SYNPO2L: variants seen among roughly 807,000 people sequenced by gnomAD.
The protein encoded by SYNPO2L is synaptopodin 2 like.
In SYNPO2L, 34 loss-of-function variants were observed where a neutral mutation model predicts 47.5. The ratio of observed to expected loss-of-function variants is 0.72; its 90% CI spans 0.54 to 0.95. The LOEUF is 0.95. Among genes scored for constraint, SYNPO2L ranks in the 40% least tolerant of loss-of-function variants. The probability of loss-of-function intolerance (pLI) is 0.00; values close to 1 mark genes in which losing one functional copy is unlikely to be tolerated. For synonymous variants in SYNPO2L, 536 were observed against 524.9 expected (o/e 1.02, Z -0.29); for missense variants, 1,246 against 1,282.0 (o/e 0.97, Z 0.43).
rs2081858375 is a variant in SYNPO2L at position 73,653,669 on chromosome 10, G to A, written c.258-16C>T. 6.6e-7 allele frequency: 1 copy of A among 1,522,628 alleles called. No homozygotes were observed. Among genetic ancestry groups the A allele is most frequent in the South Asian group, 1.3e-5 (1 of 79,760 alleles). 94.3% of individuals were successfully genotyped at this position (1,522,628 alleles called of 1,614,324 possible). A position where few individuals can be genotyped will look rare whatever the true frequency, so the allele number is the denominator to read the frequency against. On this transcript the variant is annotated splice_polypyrimidine_tract_variant and intron_variant, in intron 2 of 3. Transcript: ENST00000394810. ...GTCTGCTAACCTGGATAGGAAAGAT[G>A]ACAGAGCTTGAGAGATGGGCTGGGT...
chr10:73,646,271 G>A lies in SYNPO2L; in HGVS notation c.*447C>T. On this transcript the variant is annotated 3_prime_UTR_variant, in exon 4 of 4. Transcript: ENST00000394810. ...GGAAAGCAGAGTGGGGGGTGGGGGT[G>A]GCTTAGTGCAAACAGGGGTCAGTTC... The A allele has an allele frequency of 1.0e-6, 1 of 993,318 alleles. No homozygotes were observed. The highest frequency in any genetic ancestry group is 1.2e-6 in the Non-Finnish European group (1 of 835,968). The allele number at this position is 993,318 out of a possible 1,614,324, so 61.5% of individuals were successfully genotyped here.
Position 73,645,360 on chromosome 10 carries a change from C to T in SYNPO2L, c.*1358G>A, listed in dbSNP as rs556890647. 1 of 1,042,032 alleles carries T rather than the reference C, an allele frequency of 9.6e-7. No homozygotes were observed. The highest frequency in any genetic ancestry group is 1.2e-6 in the Non-Finnish European group (1 of 865,950). The allele number at this position is 1,042,032 out of a possible 1,614,324, so 64.5% of individuals were successfully genotyped here. ...ACCTTCTCCCAATATGGCATTGTCC[C>T]TCGCCACACTTCTGTCTGTGGCTCA... On this transcript the variant is annotated 3_prime_UTR_variant, in exon 4 of 4. Coordinates refer to ENST00000394810, the MANE Select transcript of SYNPO2L (RefSeq NM_001114133.3).
intron 3 of SYNPO2L, among the ~76,000 whole-genome samples, chr10:73,652,466 C>T (rs540410039): frequency 6.6e-6 from 1 of 152,068 alleles, no homozygotes; most frequent in South Asian, 2.1e-4. Flanking sequence ...GTCAGGAGTT[C>T]GAGACCAGCC....
At position 73,655,818 on chromosome 10, in the gene SYNPO2L, C is replaced by G; in HGVS notation, c.105G>C (p.Lys35Asn). 6.5e-7 allele frequency: 1 copy of G among 1,548,044 alleles called. No homozygotes were observed. Residue 35 changes from lysine (K) to asparagine (N), a missense_variant and splice_region_variant, in exon 1 of 4, where the codon AAG becomes AAC. Transcript: ENST00000394810. ...CCTCATTTCAGGGGCTCTCCCTTAC[C>G]TTAGACACCTGTAACGGTTTCCTCT... ...AEQRKPLQVSKIRRRSQAGRA... is the reference protein window; with the variant it reads ...AEQRKPLQVSNIRRRSQAGRA...
chr10:73,648,127 AG>A lies in SYNPO2L; in HGVS notation c.1524del (p.Phe509SerfsTer36), dbSNP rs1158041599. 2.8e-6 allele frequency: 4 copies of A among 1,429,848 alleles called. No individual in the cohort carries two copies. The highest frequency in any genetic ancestry group is 2.2e-5 in the Admixed American group (1 of 45,850). 88.6% of individuals were successfully genotyped at this position (1,429,848 alleles called of 1,614,324 possible). On this transcript the variant is annotated frameshift_variant, in exon 4 of 4. Transcript: ENST00000394810. LOFTEE classifies it low-confidence loss of function (END_TRUNC). ...SLGGLSPAPP[P>X]FLSSQGPTPL... ...GGGGTGGGCCCCTGCGAAGACAAGA[AG>A]GGGGGTGGGGCGGGGCTGAGGCCCC...
chr10:73,650,359 G>A (rs1564993864), intron 3 of SYNPO2L: 1 of 669,856 alleles, frequency 1.5e-6, no homozygotes, highest in Non-Finnish European at 1.9e-6. Context: ...TGGTATGGAT[G>A]AGACAACAGG....
intron 1 of SYNPO2L, among the ~76,000 whole-genome samples, chr10:73,655,190 A>G (rs2081869404): frequency 6.6e-6 from 1 of 152,252 alleles, no homozygotes; most frequent in Non-Finnish European, 1.5e-5. Flanking sequence ...TGAAGTAGGT[A>G]CAGGTACTAT....
In SYNPO2L at chr10:73,655,765, GGA is replaced by G. The variant is rs896127323; in HGVS notation, c.105+51_105+52del. Reference sequence around the variant, plus strand: ...ATATGCCACCACACATCTCTTCCCAGGATCCCTTGGGTTCCCTTTCCCTGAAG... The same window carrying G: ...ATATGCCACCACACATCTCTTCCCAGTCCCTTGGGTTCCCTTTCCCTGAAG... On this transcript the variant is annotated intron_variant, in intron 1 of 3. Transcript: ENST00000394810. 6 of 881,878 alleles carry G rather than the reference GGA, an allele frequency of 6.8e-6. No homozygotes were observed. In the African/African-American group the frequency reaches 1.0e-4, roughly 15 times the overall value. The allele number at this position is 881,878 out of a possible 1,614,324, so 54.6% of individuals were successfully genotyped here. A position where few individuals can be genotyped will look rare whatever the true frequency, so the allele number is the denominator to read the frequency against.
At chr10:73,654,450 G>T in intron 1 of SYNPO2L, 170 bp from the exon 2 acceptor site, 1 of 711,726 alleles carries the variant, frequency 1.4e-6, no homozygotes. Flanking sequence ...AGGGAAGAAA[G>T]TATACAGACT....
intron 3 of SYNPO2L, chr10:73,650,868 T>C: frequency 6.4e-7 from 1 of 1,559,988 alleles, no homozygotes; most frequent in Non-Finnish European, 8.7e-7. Context: ...TTCCCCTCCA[T>C]TCTAGACCCC....
Position 73,648,395 on chromosome 10 carries a change from C to G in SYNPO2L, c.1257G>C (p.Leu419=). 1 of 1,607,288 alleles carries G rather than the reference C, an allele frequency of 6.2e-7. No individual in the cohort carries two copies. The highest frequency in any genetic ancestry group is 8.5e-7 in the Non-Finnish European group (1 of 1,179,766). ...EPAAMLNGEG[L]QSPPRAQSAP... is the part of the protein sequence containing the mutation. ...CACTCTGGGCCCGAGGTGGTGACTG[C>G]AGGCCTTCCCCGTTGAGCATGGCTG... is the stretch of plus-strand genomic sequence containing the variant. The change falls in exon 4 of 4, where the codon CTG becomes CTC. Residue 419 remains leucine (L), a synonymous_variant. Coordinates refer to ENST00000394810, the MANE Select transcript of SYNPO2L (RefSeq NM_001114133.3).
intron 1 of SYNPO2L, among the ~76,000 whole-genome samples, chr10:73,654,848 A>AG (rs1411319095): frequency 1.3e-5 from 2 of 151,952 alleles, no homozygotes; most frequent in African/African-American, 4.8e-5. Flanking sequence ...GCAAAAAAAA[A>AG]GAAAAGAAAA....
Position 73,647,525 on chromosome 10 carries a change from C to T in SYNPO2L, c.2127G>A (p.Met709Ile). The T allele has an allele frequency of 6.3e-7, 1 of 1,587,962 alleles. No homozygotes were observed. Among genetic ancestry groups the T allele is most frequent in the South Asian group, 1.1e-5 (1 of 88,374 alleles). Residue 709 changes from methionine (M) to isoleucine (I), a missense_variant, in exon 4 of 4, where the codon ATG (methionine) becomes ATA (isoleucine). Transcript: ENST00000394810. ...TCATAGGGGGCGGGGTCTTGGGAGC[C>T]ATTGGAGGGGGGGTCTTAGGTGTCA... Reference protein sequence around the residue: ...PHVTPKTPPPMAPKTPPPMTP... With the variant: ...PHVTPKTPPPIAPKTPPPMTP...
In SYNPO2L at chr10:73,648,496, G is replaced by A. The variant is rs763416831; in HGVS notation, c.1156C>T (p.Arg386Ter). The A allele has an allele frequency of 6.2e-7, 1 of 1,613,522 alleles. No individual in the cohort carries two copies. Among genetic ancestry groups the A allele is most frequent in the African/African-American group, 1.3e-5 (1 of 75,050 alleles). Residue 386 changes from arginine (R) to a stop codon, truncating the protein, a stop_gained, in exon 4 of 4, where the codon CGA becomes TGA. Coordinates refer to ENST00000394810, the MANE Select transcript of SYNPO2L (RefSeq NM_001114133.3). LOFTEE classifies it low-confidence loss of function (END_TRUNC). ...TGCTGTTCAAAGAGCTGCACCCCTCGCCCAGAGACCTCACTCAGCTGCCCT... is the reference window on the plus strand; with the variant it reads ...TGCTGTTCAAAGAGCTGCACCCCTCACCCAGAGACCTCACTCAGCTGCCCT... ...LGGQLSEVSG[R>*]GVQLFEQQRQ...
rs2132419048 is a variant in SYNPO2L, at chr10:73,648,500, A to G, written c.1152T>C (p.Ser384=). Reference sequence around the variant, plus strand: ...GTTCAAAGAGCTGCACCCCTCGCCCAGAGACCTCACTCAGCTGCCCTCCCA... The same window carrying G: ...GTTCAAAGAGCTGCACCCCTCGCCCGGAGACCTCACTCAGCTGCCCTCCCA... The part of the protein sequence containing the change: ...SGLGGQLSEV[S]GRGVQLFEQQ... Residue 384 remains serine, a synonymous_variant, in exon 4 of 4, where the codon TCT becomes TCC. Transcript: ENST00000394810. 1 of 1,613,816 alleles carries G rather than the reference A, an allele frequency of 6.2e-7. No individual in the cohort carries two copies. Among genetic ancestry groups the G allele is most frequent in the Non-Finnish European group, 8.5e-7 (1 of 1,179,922 alleles).
chr10:73,651,872 G>A (rs182288184), intron 3 of SYNPO2L, among the ~76,000 whole-genome samples: 2 of 151,866 alleles, frequency 1.3e-5, no homozygotes, highest in Admixed American at 1.3e-4. Flanking sequence ...TCAGGAGTTC[G>A]AGACCAGCCT....
At position 73,650,861 on chromosome 10, in the gene SYNPO2L, C is replaced by T. The variant is rs770768152; in HGVS notation, c.773-1982G>A. 3.9e-6 allele frequency: 6 copies of T among 1,531,472 alleles called. No homozygotes were observed. The East Asian group carries it at 9.5e-5, about 24-fold the overall frequency. 94.9% of individuals were successfully genotyped at this position (1,531,472 alleles called of 1,614,324 possible). A position where few individuals can be genotyped will look rare whatever the true frequency, so the allele number is the denominator to read the frequency against. ...CCCTTCCTAAACTATTGACATCTTC[C>T]CCTCCATTCTAGACCCCAGACTCTC... On this transcript the variant is annotated intron_variant, in intron 3 of 3. Transcript: ENST00000394810.
intron 1 of SYNPO2L, among the ~76,000 whole-genome samples, chr10:73,654,650 C>T (rs556416973): frequency 6.6e-6 from 1 of 152,132 alleles, no homozygotes; most frequent in Admixed American, 6.5e-5. Flanking sequence ...TTGAGACCAG[C>T]CTGGCCAATG....
rs1453118939 is a variant in SYNPO2L, at chr10:73,647,334, A to T, written c.2318T>A (p.Val773Glu). 1.2e-6 allele frequency: 2 copies of T among 1,613,998 alleles called. No homozygotes were observed. The highest frequency in any genetic ancestry group is 2.2e-5 in the South Asian group (2 of 91,084). ...AKRQSRADRY[V>E]VEGTPGPGLG... ...ACCAGGACCAGGTGTACCTTCCACCACATACCTGTCCGCACGGCTCTGCCG... is the reference window on the plus strand; with the variant it reads ...ACCAGGACCAGGTGTACCTTCCACCTCATACCTGTCCGCACGGCTCTGCCG... The change falls in exon 4 of 4, where the codon GTG becomes GAG. Residue 773 changes from valine (V) to glutamate (E), a missense_variant. Physicochemically the swap from Val to Glu is moderately radical, Grantham distance 121 (BLOSUM62 -2). Around this residue, in one of 3 missense-constraint regions of SYNPO2L, gnomAD observed 1,037 missense variants for 1,021.5 expected, o/e 1.02. Transcript: ENST00000394810.
Sources: allele counts gnomAD v4.1 joint callset (sites outside exome capture counted in the v4.1 genomes callset), GRCh38; gene constraint gnomAD v4.1.1; regional missense constraint gnomAD v4.1.1; transcripts MANE v1.5; gene names NCBI Gene and HGNC (gene_info 2026-07-23, HGNC 2026-07-21).